CCDC91: variants seen among roughly 807,000 people sequenced by gnomAD.
CCDC91 encodes the protein coiled-coil domain containing 91, also known as coiled-coil domain-containing protein 91.
In CCDC91, 48 loss-of-function variants were observed where a neutral mutation model predicts 63.2. That is an observed-to-expected ratio of 0.76 (90% confidence interval 0.60 to 0.97). The LOEUF (loss-of-function observed/expected upper bound fraction) is 0.97, where lower values mean the gene tolerates loss of function less well. CCDC91 is among the 50% of genes least tolerant of loss of function. CCDC91 has a pLI of 0.00. For missense variants in CCDC91, 500 were observed against 494.6 expected (o/e 1.01, Z -0.10); for synonymous variants, 167 against 165.8 (o/e 1.01, Z -0.06).
chr12:28,220,739 CTT>C (rs200686734), intron 1 of CCDC91, among the ~76,000 whole-genome samples: 2,524 of 152,074 alleles, frequency 0.017, 26 homozygotes, highest in South Asian at 0.031. Context: ...GTTTTTTCCT[CTT>C]TAAGTTGAAA....
At chr12:28,356,981 G>A (rs938646191) in intron 6 of CCDC91, among the ~76,000 whole-genome samples, 1 of 152,138 alleles carries the variant, frequency 6.6e-6, no homozygotes, top group Non-Finnish European at 1.5e-5. Context: ...GTGTAGCAGA[G>A]GATCCTGTTG....
At chr12:28,302,674 C>A in intron 3 of CCDC91, 1 of 980,278 alleles carries the variant, frequency 1.0e-6, no homozygotes, top group Non-Finnish European at 1.2e-6. Context: ...TTAGTGGTAT[C>A]ATTTCTGGCT....
At position 28,260,996 on chromosome 12, in the gene CCDC91, A is replaced by G. The variant is rs1365901315; in HGVS notation, c.109+1554A>G. ...TCATTTGATACACATAACTGTGTTTAGGGATGAAGTGTATTCTTTCAGATT... is the reference window on the plus strand; with the variant it reads ...TCATTTGATACACATAACTGTGTTTGGGGATGAAGTGTATTCTTTCAGATT... On this transcript the variant is annotated intron_variant, in intron 3 of 12. Transcript: ENST00000536442. Among the ~76,000 whole-genome samples the G allele has an allele frequency of 2.0e-5, 3 of 152,034 alleles. No homozygotes were observed. The South Asian group carries it at 6.2e-4, about 31-fold the overall frequency.
chr12:28,438,866 A>G (rs1949041413), intron 8 of CCDC91, among the ~76,000 whole-genome samples: 1 of 152,180 alleles, frequency 6.6e-6, no homozygotes, highest in African/African-American at 2.4e-5. Context: ...CTCATAGGGA[A>G]TAATAGAATT....
intron 1 of CCDC91, among the ~76,000 whole-genome samples, chr12:28,194,035 A>T (rs537513604): frequency 6.6e-6 from 1 of 152,190 alleles, no homozygotes; most frequent in Non-Finnish European, 1.5e-5. Flanking sequence ...AAAGAGCAGA[A>T]GTTTTAAATT....
intron 3 of CCDC91, among the ~76,000 whole-genome samples, chr12:28,269,275 T>C (rs1259163191): frequency 6.6e-6 from 1 of 152,146 alleles, no homozygotes; most frequent in Non-Finnish European, 1.5e-5. Context: ...TGGTACTTCC[T>C]CTTTGTGGCA....
At chr12:28,228,752 T>C (rs1040724588) in intron 1 of CCDC91, among the ~76,000 whole-genome samples, 1 of 152,114 alleles carries the variant, frequency 6.6e-6, no homozygotes, top group Admixed American at 6.6e-5. Context: ...AGTCTCTTGG[T>C]TGGAAATGAA....
At chr12:28,356,688 A>G (rs1592409441) in intron 6 of CCDC91, among the ~76,000 whole-genome samples, 1 of 152,084 alleles carries the variant, frequency 6.6e-6, no homozygotes, top group African/African-American at 2.4e-5. Flanking sequence ...ATTATTTGCT[A>G]ATTATGTTCT....
At chr12:28,511,745 G>A (rs375961756) in intron 12 of CCDC91, among the ~76,000 whole-genome samples, 1 of 151,778 alleles carries the variant, frequency 6.6e-6, no homozygotes, top group African/African-American at 2.4e-5. Context: ...CTGTGTCTGC[G>A]CACTCATATG....
chr12:28,394,797 G>C (rs1431078631), intron 8 of CCDC91, among the ~76,000 whole-genome samples: 2 of 150,600 alleles, frequency 1.3e-5, no homozygotes, highest in Non-Finnish European at 3.0e-5. Context: ...CTGCACTCTA[G>C]AGTCAGACTA....
At chr12:28,540,734 C>T (rs150892690) in intron 12 of CCDC91, among the ~76,000 whole-genome samples, 805 of 152,212 alleles carry the variant, frequency 5.3e-3, no homozygotes, top group South Asian at 0.012. Flanking sequence ...CTTTGAGTCT[C>T]GGCTGGACTG....
At chr12:28,501,022 C>T (rs1218335934) in intron 12 of CCDC91, among the ~76,000 whole-genome samples, 1 of 151,466 alleles carries the variant, frequency 6.6e-6, no homozygotes, top group Non-Finnish European at 1.5e-5. Flanking sequence ...CAAGAGTTAC[C>T]ACCATTTGCT....
chr12:28,333,516 A>G (rs1941682227), intron 6 of CCDC91, among the ~76,000 whole-genome samples: 1 of 152,150 alleles, frequency 6.6e-6, no homozygotes, highest in African/African-American at 2.4e-5. Context: ...AAGTTTAGCC[A>G]GTAGGCAAAC....
intron 12 of CCDC91, among the ~76,000 whole-genome samples, chr12:28,523,765 G>A (rs1447494145): frequency 6.6e-6 from 1 of 152,086 alleles, no homozygotes; most frequent in Non-Finnish European, 1.5e-5. Flanking sequence ...TGTAAGGCAG[G>A]CCTGGTGTTG....
At chr12:28,368,312 C>A (rs1168852526) in intron 7 of CCDC91, among the ~76,000 whole-genome samples, 2 of 152,106 alleles carry the variant, frequency 1.3e-5, no homozygotes, top group Admixed American at 6.5e-5. Flanking sequence ...TCCTTTAATT[C>A]TTTTGTTATT....
intron 11 of CCDC91, among the ~76,000 whole-genome samples, chr12:28,483,671 A>T (rs1406320691): frequency 6.6e-6 from 1 of 152,122 alleles, no homozygotes; most frequent in African/African-American, 2.4e-5. Context: ...AACGTGAATA[A>T]AACAGGTAGA....
chr12:28,464,507 C>T (rs1038034415), intron 11 of CCDC91, among the ~76,000 whole-genome samples: 4 of 152,174 alleles, frequency 2.6e-5, no homozygotes, highest in African/African-American at 9.7e-5. Context: ...AGCTCAGCCA[C>T]AGCAGGATAG....
intron 7 of CCDC91, among the ~76,000 whole-genome samples, chr12:28,367,634 A>C (rs553328795): frequency 1.3e-5 from 2 of 152,348 alleles, no homozygotes; most frequent in East Asian, 3.9e-4. Context: ...CATATTTCAG[A>C]AGCCAAATGA....
intron 3 of CCDC91, among the ~76,000 whole-genome samples, chr12:28,279,132 T>G (rs866159329): frequency 2.0e-5 from 3 of 151,988 alleles, no homozygotes; most frequent in Admixed American, 6.6e-5. Context: ...AAGCTTACCT[T>G]AGGATCATTA....
Sources: allele counts gnomAD v4.1 joint callset (sites outside exome capture counted in the v4.1 genomes callset), GRCh38; gene constraint gnomAD v4.1.1; transcripts MANE v1.5; gene names NCBI Gene and HGNC (gene_info 2026-07-23, HGNC 2026-07-21).